Variants in ZNF385B observed in about 807,000 individuals in gnomAD.
ZNF385B encodes the protein zinc finger protein 385B.
A neutral mutation model predicts 39.2 loss-of-function variants in ZNF385B; 23 were observed. The ratio of observed to expected loss-of-function variants is 0.59; its 90% CI spans 0.42 to 0.83. The LOEUF is 0.83. Ranked by LOEUF, ZNF385B falls within the 40% of genes least tolerant of loss-of-function variation. The pLI is 0.00. For synonymous variants in ZNF385B, 205 were observed against 222.6 expected, an observed-to-expected ratio of 0.92 and a Z score of 0.70; for missense variants, 552 against 598.9, an observed-to-expected ratio of 0.92 and a Z score of 0.82.
chr2:179,443,114 T>G lies in ZNF385B; in HGVS notation c.*136A>C. The G allele has an allele frequency of 1.1e-6, 1 of 903,500 alleles. No homozygotes were observed. The highest frequency in any genetic ancestry group is 1.8e-6 in the Non-Finnish European group (1 of 564,214). 56.0% of individuals were successfully genotyped at this position (903,500 alleles called of 1,614,324 possible). A position where few individuals can be genotyped will look rare whatever the true frequency, so the allele number is the denominator to read the frequency against. On this transcript the variant is annotated 3_prime_UTR_variant, in exon 10 of 10. Transcript: ENST00000410066. ...TCTAGTGATGTGTTTCTCTCTGGAATTGGGGGACTGGGTGGTGGGCTGCAT... is the reference window on the plus strand; with the variant it reads ...TCTAGTGATGTGTTTCTCTCTGGAAGTGGGGGACTGGGTGGTGGGCTGCAT...
rs552546411 is a variant in ZNF385B, at chr2:179,559,134, C to T, written c.299-14165G>A. On this transcript the variant is annotated intron_variant, in intron 3 of 9. Coordinates refer to ENST00000410066, the MANE Select transcript of ZNF385B (RefSeq NM_152520.6). The stretch of plus-strand genomic sequence containing the variant: ...GATTTTCCTCCCTTTCGCCTCTTCA[C>T]TGTATGACAGAAATCTGTATAAAAT... 2.6e-5 allele frequency among the ~76,000 whole-genome samples: 4 copies of T among 152,294 alleles called. No homozygotes were observed. In the East Asian group the frequency reaches 7.7e-4, roughly 29 times the overall value.
intron 6 of ZNF385B, among the ~76,000 whole-genome samples, chr2:179,452,943 A>T (rs2050303431): frequency 1.3e-5 from 2 of 152,164 alleles, no homozygotes; most frequent in South Asian, 4.1e-4. Context: ...AATAGGTGGC[A>T]GGCAATATTT....
chr2:179,473,816 T>A (rs1013162052), intron 6 of ZNF385B, among the ~76,000 whole-genome samples: 3 of 152,310 alleles, frequency 2.0e-5, no homozygotes, highest in Admixed American at 6.5e-5. Flanking sequence ...CTGAGAATGA[T>A]GGTTTCCACC....
intron 3 of ZNF385B, among the ~76,000 whole-genome samples, chr2:179,636,612 A>G (rs1160753805): frequency 6.6e-6 from 1 of 152,204 alleles, no homozygotes. Flanking sequence ...CCTTGGAAGA[A>G]CCCATACAAG....
intron 3 of ZNF385B, among the ~76,000 whole-genome samples, chr2:179,649,501 C>T (rs1693022131): frequency 6.6e-6 from 1 of 152,120 alleles, no homozygotes; most frequent in African/African-American, 2.4e-5. Flanking sequence ...TTCTATATTG[C>T]AGATTTTCTG....
At chr2:179,609,629 T>A (rs576346324) in intron 3 of ZNF385B, among the ~76,000 whole-genome samples, 1 of 152,326 alleles carries the variant, frequency 6.6e-6, no homozygotes, top group Non-Finnish European at 1.5e-5. Flanking sequence ...TAGCTCTATT[T>A]TTAGTTTTTT....
rs147959752 is a variant in ZNF385B, at chr2:179,711,930, G to A, written c.298+57573C>T. Among the ~76,000 whole-genome samples the A allele has an allele frequency of 8.2e-3, 1,066 of 130,784 alleles. 9 individuals are homozygous for A. Among genetic ancestry groups the A allele is most frequent in the African/African-American group, 0.028 (954 of 33,718 alleles). The allele number at this position is 130,784 out of a possible 152,430, so 85.8% of individuals were successfully genotyped here. Reference sequence around the variant, plus strand: ...TTTACAAATGGTAGCAGTTCTGTTCGGCCTACTGCCACTGGACTGCCATGT... The same window carrying A: ...TTTACAAATGGTAGCAGTTCTGTTCAGCCTACTGCCACTGGACTGCCATGT... On this transcript the variant is annotated intron_variant, in intron 3 of 9. Coordinates refer to ENST00000410066, the MANE Select transcript of ZNF385B (RefSeq NM_152520.6).
chr2:179,644,013 T>A (rs1515280), intron 3 of ZNF385B, among the ~76,000 whole-genome samples: 151,851 of 152,232 alleles, frequency 1, 75,737 homozygotes, highest in Middle Eastern at 1. Flanking sequence ...AAGATTCTAC[T>A]CTTACAAACA....
At chr2:179,785,013 T>C (rs911439976) in intron 1 of ZNF385B, among the ~76,000 whole-genome samples, 4 of 152,100 alleles carry the variant, frequency 2.6e-5, no homozygotes, top group African/African-American at 7.2e-5. Flanking sequence ...GCACTACTCA[T>C]AATAGTTCCA....
intron 4 of ZNF385B, among the ~76,000 whole-genome samples, chr2:179,539,234 G>A (rs2059767195): frequency 6.6e-6 from 1 of 152,154 alleles, no homozygotes; most frequent in South Asian, 2.1e-4. Flanking sequence ...CTTACTGTGT[G>A]TTCCCATGGC....
chr2:179,493,470 CATGT>C, intron 5 of ZNF385B, among the ~76,000 whole-genome samples: 1 of 92,292 alleles, frequency 1.1e-5, no homozygotes, highest in Non-Finnish European at 2.4e-5. Flanking sequence ...TACATATATG[CATGT>C]GTACACATAT....
intron 5 of ZNF385B, among the ~76,000 whole-genome samples, chr2:179,511,235 C>T (rs13398563): frequency 0.036 from 5,549 of 152,220 alleles, 333 homozygotes; most frequent in African/African-American, 0.13. Flanking sequence ...AAAGTTGTGG[C>T]TTCCTTCCTA....
At chr2:179,485,710 T>A (rs958045974) in intron 5 of ZNF385B, among the ~76,000 whole-genome samples, 2 of 152,210 alleles carry the variant, frequency 1.3e-5, no homozygotes, top group African/African-American at 4.8e-5. Context: ...TGGTGATAGA[T>A]TCATGCCACA....
At chr2:179,537,767 A>AAG (rs1553602332) in intron 4 of ZNF385B, among the ~76,000 whole-genome samples, 2 of 125,264 alleles carry the variant, frequency 1.6e-5, no homozygotes, top group African/African-American at 6.0e-5. Context: ...ACAAACAAAC[A>AAG]AAAAAAAAAA....
intron 3 of ZNF385B, among the ~76,000 whole-genome samples, chr2:179,622,344 C>T (rs373086217): frequency 2.6e-5 from 4 of 152,100 alleles, no homozygotes; most frequent in South Asian, 2.1e-4. Flanking sequence ...AAACAGTAAG[C>T]CCATGGAGTT....
At chr2:179,704,721 T>A (rs898466200) in intron 3 of ZNF385B, among the ~76,000 whole-genome samples, 1 of 152,198 alleles carries the variant, frequency 6.6e-6, no homozygotes, top group Non-Finnish European at 1.5e-5. Context: ...CCAAAGTTTC[T>A]TCTCCACCAG....
intron 5 of ZNF385B, among the ~76,000 whole-genome samples, chr2:179,487,224 T>C (rs909300135): frequency 6.6e-6 from 1 of 152,214 alleles, no homozygotes; most frequent in African/African-American, 2.4e-5. Flanking sequence ...GAAAAAACTC[T>C]CCATAGCCAT....
chr2:179,635,546 G>T (rs1052725264), intron 3 of ZNF385B, among the ~76,000 whole-genome samples: 1 of 151,892 alleles, frequency 6.6e-6, no homozygotes, highest in Non-Finnish European at 1.5e-5. Context: ...AATAAAAAAA[G>T]AAAATTAACA....
At chr2:179,823,914 C>A (rs1707539941) in intron 1 of ZNF385B, among the ~76,000 whole-genome samples, 1 of 151,988 alleles carries the variant, frequency 6.6e-6, no homozygotes. Context: ...AACTGAAACT[C>A]AAATTTAAAA....
Sources: gnomAD v4.1 joint callset for allele counts (sites outside exome capture counted in the v4.1 genomes callset) on GRCh38, gnomAD v4.1.1 for gene constraint, MANE v1.5 for transcripts, NCBI Gene and HGNC (gene_info 2026-07-23, HGNC 2026-07-21) for gene names.